The following SEL1L2 variants were observed in gnomAD, a reference collection of about 807,000 sequenced individuals.
The protein encoded by SEL1L2 is protein sel-1 homolog 2.
In SEL1L2, 89 loss-of-function variants were observed where a neutral mutation model predicts 98.8. That is an observed-to-expected ratio of 0.90 (90% CI 0.76 to 1.07). The LOEUF (loss-of-function observed/expected upper bound fraction) is 1.07. Ranked by LOEUF, SEL1L2 falls within the 50% of genes least tolerant of loss-of-function variation. The probability of loss-of-function intolerance (pLI) is 0.00; values close to 1 mark genes in which losing one functional copy is unlikely to be tolerated. For synonymous variants in SEL1L2, 262 were observed against 278.5 expected, an observed-to-expected ratio of 0.94 and a Z score of 0.59; for missense variants, 788 against 812.0, an observed-to-expected ratio of 0.97 and a Z score of 0.36.
At chr20:13,888,921 C>T (rs1310061093) in intron 5 of SEL1L2, among the ~76,000 whole-genome samples, 1 of 150,728 alleles carries the variant, frequency 6.6e-6, no homozygotes, top group Non-Finnish European at 1.5e-5. Context: ...GTTGGGATTA[C>T]AGGCGTGAGC....
upstream of SEL1L2, among the ~76,000 whole-genome samples, chr20:13,992,459 G>A (rs867844585): frequency 1.3e-4 from 20 of 152,140 alleles, no homozygotes; most frequent in African/African-American, 4.1e-4. Context: ...AGCCAAGATC[G>A]CGCCATTGCA....
intron 5 of SEL1L2, among the ~76,000 whole-genome samples, chr20:13,909,465 C>G (rs1021489075): frequency 1.1e-4 from 17 of 152,180 alleles, no homozygotes; most frequent in African/African-American, 3.9e-4. Flanking sequence ...AAATATAGAA[C>G]TGAATCCATC....
At chr20:13,956,957 C>T (rs2050569108) in intron 1 of SEL1L2, among the ~76,000 whole-genome samples, 1 of 152,076 alleles carries the variant, frequency 6.6e-6, no homozygotes. Flanking sequence ...GATACATTCA[C>T]ATTTCACAGG....
intron 8 of SEL1L2, among the ~76,000 whole-genome samples, chr20:13,886,779 C>T (rs2046975549): frequency 6.6e-6 from 1 of 151,580 alleles, no homozygotes; most frequent in Non-Finnish European, 1.5e-5. Flanking sequence ...TCCCAGATAC[C>T]TGGGAAGCTG....
At chr20:13,916,098 T>A (rs1176996183) in intron 4 of SEL1L2, among the ~76,000 whole-genome samples, 1 of 152,184 alleles carries the variant, frequency 6.6e-6, no homozygotes, top group Admixed American at 6.5e-5. Context: ...TTAATATCTG[T>A]ACTTTAAACA....
chr20:13,974,483 T>TTTC (rs1262938975), intron 1 of SEL1L2, among the ~76,000 whole-genome samples: 2 of 139,040 alleles, frequency 1.4e-5, no homozygotes, highest in African/African-American at 5.4e-5. Context: ...CTCTTTTTTT[T>TTTC]TTTTTTTTTT....
intron 3 of SEL1L2, among the ~76,000 whole-genome samples, chr20:13,929,782 G>A (rs756492429): frequency 4.1e-5 from 6 of 146,130 alleles, no homozygotes; most frequent in Non-Finnish European, 9.0e-5. Context: ...TTATAGGAGT[G>A]AGCCACGTGC....
Position 13,964,446 on chromosome 20 carries a change from C to CTTTTTTT in SEL1L2, c.59-8316_59-8315insAAAAAAA, listed in dbSNP as rs568049752. 7.6e-5 allele frequency among the ~76,000 whole-genome samples: 8 copies of CTTTTTTT among 105,360 alleles called. 1 individual carries two copies. The highest frequency in any genetic ancestry group is 1.3e-4 in the Admixed American group (1 of 7,696). The allele number at this position is 105,360 out of a possible 152,430, so 69.1% of individuals were successfully genotyped here. A position where few individuals can be genotyped will look rare whatever the true frequency, so the allele number is the denominator to read the frequency against. On this transcript the variant is annotated intron_variant, in intron 1 of 19. Coordinates refer to ENST00000284951, the MANE Select transcript of SEL1L2 (RefSeq NM_025229.2). ...TGTGCTCTGCTATCTGCTATCTCTT[C>CTTTTTTT]ATTTTTTTTTTTTTTTTTTTTCTGA...
intron 8 of SEL1L2, 80 bp from the exon 9 acceptor site, chr20:13,886,522 T>G: frequency 9.1e-7 from 1 of 1,096,998 alleles, no homozygotes; most frequent in Non-Finnish European, 1.3e-6. Flanking sequence ...AAAACACCGT[T>G]AGCTTATTAT....
At chr20:13,855,341 T>G (rs1038218669) in intron 18 of SEL1L2, among the ~76,000 whole-genome samples, 3 of 152,020 alleles carry the variant, frequency 2.0e-5, no homozygotes, top group African/African-American at 7.3e-5. Flanking sequence ...GGACTTCATT[T>G]AGCAATAAAA....
At chr20:13,873,506 C>T (rs558763477) in intron 12 of SEL1L2, among the ~76,000 whole-genome samples, 3 of 152,138 alleles carry the variant, frequency 2.0e-5, no homozygotes, top group East Asian at 3.9e-4. Context: ...GGACTATAGG[C>T]ATGTGCCACC....
In SEL1L2 at chr20:13,882,368, T is replaced by C. The variant is rs149625287; in HGVS notation, c.957+2979A>G. On this transcript the variant is annotated intron_variant, in intron 10 of 19. Transcript: ENST00000284951. ...CATTGAGAGGAGAAGCCCATTTCCC[T>C]ACCCCTCCAAGTTTGCTGGCCTTGT... is the stretch of plus-strand genomic sequence containing the variant. Among the ~76,000 whole-genome samples the C allele has an allele frequency of 7.6e-4, 116 of 152,324 alleles. 3 individuals carry two copies. The highest frequency in any genetic ancestry group is 4.3e-3 in the Admixed American group (66 of 15,298).
chr20:13,857,551 G>C (rs1182326189), intron 18 of SEL1L2, among the ~76,000 whole-genome samples: 13 of 152,216 alleles, frequency 8.5e-5, no homozygotes, highest in Non-Finnish European at 1.5e-4. Flanking sequence ...TGTCCCCAGG[G>C]ACTCAGGCAA....
chr20:13,931,720 T>A lies in SEL1L2; in HGVS notation c.166A>T (p.Thr56Ser). Residue 56 changes from threonine (T) to serine (S), a missense_variant, in exon 3 of 20, where the codon ACA becomes TCA. Physicochemically the swap from Thr to Ser is moderately conservative, Grantham distance 58 (BLOSUM62 1). Transcript: ENST00000284951. ...CTTTTATTGATTACATTACTAGATG[T>A]TCTTTGTTCCAATATGTGTGATAAA... ...QYLSHILEQR[T>S]SSNVINKREN... is the part of the protein sequence containing the mutation. The A allele has an allele frequency of 6.4e-7, 1 of 1,568,898 alleles. No individual in the cohort carries two copies. Among genetic ancestry groups the A allele is most frequent in the Non-Finnish European group, 8.6e-7 (1 of 1,159,682 alleles).
intron 3 of SEL1L2, among the ~76,000 whole-genome samples, chr20:13,929,487 CTTTTTTTT>C (rs747948529): frequency 5.5e-5 from 4 of 73,312 alleles, no homozygotes; most frequent in African/African-American, 2.2e-4. Flanking sequence ...TTGCCTTTGC[CTTTTTTTT>C]TTTTTTTTTT....
At chr20:13,988,356 T>C (rs1279521364) in intron 1 of SEL1L2, among the ~76,000 whole-genome samples, 13 of 152,214 alleles carry the variant, frequency 8.5e-5, no homozygotes, top group Non-Finnish European at 1.5e-4. Context: ...CTGTTTTATT[T>C]ATTTTTTTCA....
intron 14 of SEL1L2, among the ~76,000 whole-genome samples, chr20:13,867,945 G>GATGT (rs1415639938): frequency 1.3e-5 from 2 of 152,018 alleles, no homozygotes; most frequent in Non-Finnish European, 2.9e-5. Flanking sequence ...CCTCCTTGAT[G>GATGT]ATGTGGTCTG....
intron 1 of SEL1L2, among the ~76,000 whole-genome samples, chr20:13,967,468 C>T (rs546996238): frequency 6.6e-6 from 1 of 152,286 alleles, no homozygotes; most frequent in African/African-American, 2.4e-5. Flanking sequence ...AGATACAGTC[C>T]TATATACACT....
intron 1 of SEL1L2, among the ~76,000 whole-genome samples, chr20:13,968,583 G>C (rs1372222847): frequency 6.6e-6 from 1 of 152,216 alleles, no homozygotes. Context: ...TTTAGTCAGT[G>C]AGTTGCTCAT....
Sources: gnomAD v4.1 joint callset for allele counts (sites outside exome capture counted in the v4.1 genomes callset) on GRCh38, gnomAD v4.1.1 for gene constraint, MANE v1.5 for transcripts, NCBI Gene and HGNC (gene_info 2026-07-23, HGNC 2026-07-21) for gene names.